Variants in NDST3 observed in about 807,000 individuals in gnomAD.
The protein encoded by NDST3 is bifunctional heparan sulfate N-deacetylase/N-sulfotransferase 3.
Under a neutral mutation model 96.1 loss-of-function variants are expected in NDST3, and 58 were observed. The ratio of observed to expected loss-of-function variants is 0.60; its 90% CI spans 0.49 to 0.75. The LOEUF is 0.75. Among genes scored for constraint, NDST3 ranks in the 30% least tolerant of loss-of-function variants. The probability of loss-of-function intolerance (pLI) is 0.00; values close to 1 mark genes in which losing one functional copy is unlikely to be tolerated. For missense variants in NDST3, 788 were observed against 1,034.2 expected (o/e 0.76, Z 3.27); for synonymous variants, 333 against 359.7 (o/e 0.93, Z 0.84).
At chr4:118,086,429 C>A (rs1179073695) in intron 2 of NDST3, among the ~76,000 whole-genome samples, 1 of 151,894 alleles carries the variant, frequency 6.6e-6, no homozygotes, top group African/African-American at 2.4e-5. Flanking sequence ...TTTTCAGTAC[C>A]CCTAACATCT....
At chr4:118,040,095 T>C (rs980947172) in intron 1 of NDST3, among the ~76,000 whole-genome samples, 5 of 152,180 alleles carry the variant, frequency 3.3e-5, no homozygotes, top group Non-Finnish European at 5.9e-5. Context: ...ACGTAGGTGA[T>C]TGTGGGACCA....
intron 2 of NDST3, among the ~76,000 whole-genome samples, chr4:118,092,770 C>T (rs1002250915): frequency 2.0e-5 from 3 of 151,722 alleles, no homozygotes; most frequent in Non-Finnish European, 4.4e-5. Flanking sequence ...TCTCATGTTT[C>T]TTATGTTCAA....
chr4:118,091,557 T>C (rs966204357), intron 2 of NDST3, among the ~76,000 whole-genome samples: 4 of 151,678 alleles, frequency 2.6e-5, no homozygotes, highest in African/African-American at 9.7e-5. Flanking sequence ...TTCTTTGTGA[T>C]AATCATGAGT....
At chr4:118,215,225 C>T (rs1158297642) in intron 6 of NDST3, among the ~76,000 whole-genome samples, 1 of 151,970 alleles carries the variant, frequency 6.6e-6, no homozygotes, top group Non-Finnish European at 1.5e-5. Flanking sequence ...AAAACACTAG[C>T]TATCTAAAGG....
intron 2 of NDST3, among the ~76,000 whole-genome samples, chr4:118,079,957 G>A (rs758574675): frequency 9.2e-5 from 14 of 152,158 alleles, no homozygotes; most frequent in Non-Finnish European, 2.1e-4. Flanking sequence ...CCTGACAGCA[G>A]TGTGTTCCTC....
chr4:118,080,245 T>A (rs981071577), intron 2 of NDST3, among the ~76,000 whole-genome samples: 13 of 152,098 alleles, frequency 8.5e-5, no homozygotes, highest in African/African-American at 3.1e-4. Context: ...AGTTGCTACA[T>A]CTATGGTGCC....
At chr4:118,153,920 A>G (rs933761647) in intron 6 of NDST3, among the ~76,000 whole-genome samples, 1 of 152,158 alleles carries the variant, frequency 6.6e-6, no homozygotes, top group Admixed American at 6.6e-5. Flanking sequence ...TGAGTATGGA[A>G]ATAAACTAGA....
intron 6 of NDST3, among the ~76,000 whole-genome samples, chr4:118,215,163 G>A (rs1243204284): frequency 2.0e-5 from 3 of 152,026 alleles, no homozygotes; most frequent in African/African-American, 7.2e-5. Context: ...GAGATCTGGG[G>A]ATCATTGTGG....
intron 13 of NDST3, 44 bp from the exon 14 acceptor site, chr4:118,255,546 GTAA>G (rs1232687005): frequency 6.4e-7 from 1 of 1,557,974 alleles, no homozygotes; most frequent in Non-Finnish European, 8.7e-7. Flanking sequence ...TGTATGAAAT[GTAA>G]TAAACAAAAT....
intron 1 of NDST3, among the ~76,000 whole-genome samples, chr4:118,038,682 A>T (rs986506024): frequency 6.6e-6 from 1 of 151,846 alleles, no homozygotes. Flanking sequence ...GAGGCCTCCC[A>T]CTGCATTTTT....
intron 8 of NDST3, among the ~76,000 whole-genome samples, chr4:118,232,116 T>C (rs890366429): frequency 6.6e-6 from 1 of 152,190 alleles, no homozygotes; most frequent in Non-Finnish European, 1.5e-5. Context: ...AGCAAACTTG[T>C]GGAAAGATTA....
intron 6 of NDST3, among the ~76,000 whole-genome samples, chr4:118,161,202 A>G (rs911945842): frequency 2.0e-5 from 3 of 152,160 alleles, no homozygotes; most frequent in Non-Finnish European, 2.9e-5. Context: ...GTGAACTGCG[A>G]ATGCTGCTGT....
intron 6 of NDST3, among the ~76,000 whole-genome samples, chr4:118,197,958 C>A (rs1355864191): frequency 2.0e-5 from 3 of 151,832 alleles, no homozygotes; most frequent in Non-Finnish European, 4.4e-5. Context: ...CACCACCACG[C>A]CCAGCTAATT....
intron 2 of NDST3, among the ~76,000 whole-genome samples, chr4:118,074,180 T>G (rs996261817): frequency 3.3e-5 from 5 of 152,186 alleles, no homozygotes; most frequent in African/African-American, 1.2e-4. Flanking sequence ...TGCTGAGAAT[T>G]GTTTTATGGC....
intron 6 of NDST3, chr4:118,193,674 CAA>C: frequency 3.0e-6 from 4 of 1,323,302 alleles, no homozygotes; most frequent in Non-Finnish European, 4.4e-6. Flanking sequence ...TGTGCCAGTT[CAA>C]AGTCATTCAC....
intron 6 of NDST3, among the ~76,000 whole-genome samples, chr4:118,205,931 C>T (rs1738412727): frequency 7.1e-6 from 1 of 140,306 alleles, no homozygotes; most frequent in African/African-American, 2.7e-5. Flanking sequence ...CTCCCAGGTT[C>T]ACACCCTTCT....
chr4:118,078,582 C>G (rs1727765741), intron 2 of NDST3, among the ~76,000 whole-genome samples: 1 of 151,988 alleles, frequency 6.6e-6, no homozygotes, highest in South Asian at 2.1e-4. Context: ...GAAACCCTGT[C>G]TCTACTAAAT....
At chr4:118,160,173 C>A (rs1385731184) in intron 6 of NDST3, among the ~76,000 whole-genome samples, 1 of 152,084 alleles carries the variant, frequency 6.6e-6, no homozygotes, top group South Asian at 2.1e-4. Context: ...AAAACTGATT[C>A]ATCACATAAA....
chr4:118,084,488 C>G (rs779234099), intron 2 of NDST3, among the ~76,000 whole-genome samples: 53 of 152,080 alleles, frequency 3.5e-4, no homozygotes, highest in Non-Finnish European at 6.8e-4. Flanking sequence ...TTTGAAAGTA[C>G]CTGATTCCTA....
Sources: gnomAD v4.1 joint callset for allele counts (sites outside exome capture counted in the v4.1 genomes callset) on GRCh38, gnomAD v4.1.1 for gene constraint, MANE v1.5 for transcripts, NCBI Gene and HGNC (gene_info 2026-07-23, HGNC 2026-07-21) for gene names.